Variants in EXOC6B observed in about 807,000 individuals in gnomAD.
EXOC6B encodes the protein exocyst complex component 6B.
A neutral mutation model predicts 113.5 loss-of-function variants in EXOC6B; 54 were observed. The ratio of observed to expected loss-of-function variants is 0.48; its 90% CI spans 0.38 to 0.60. The LOEUF (loss-of-function observed/expected upper bound fraction) is 0.60. Among genes scored for constraint, EXOC6B ranks in the 20% least tolerant of loss-of-function variants. EXOC6B has a pLI of 0.00. For missense variants in EXOC6B, 797 were observed against 977.5 expected (o/e 0.82, Z 2.46); for synonymous variants, 357 against 339.0 (o/e 1.05, Z -0.58).
chr2:72,495,225 A>G (rs1699973001), intron 15 of EXOC6B, among the ~76,000 whole-genome samples: 1 of 152,202 alleles, frequency 6.6e-6, no homozygotes, highest in South Asian at 2.1e-4. Flanking sequence ...AAGATAGATA[A>G]TATAAATTTT....
intron 1 of EXOC6B, among the ~76,000 whole-genome samples, chr2:72,821,497 T>C (rs560684375): frequency 1.3e-5 from 2 of 152,174 alleles, no homozygotes; most frequent in East Asian, 1.9e-4. Flanking sequence ...TGAAAACATA[T>C]GTCTCTACAA....
At chr2:72,578,461 C>T (rs1296412198) in intron 6 of EXOC6B, among the ~76,000 whole-genome samples, 3 of 152,072 alleles carry the variant, frequency 2.0e-5, no homozygotes, top group African/African-American at 4.8e-5. Context: ...CTTAGTTACG[C>T]CATTTCTTTA....
At chr2:72,300,848 G>A (rs921065839) in intron 20 of EXOC6B, among the ~76,000 whole-genome samples, 1 of 152,040 alleles carries the variant, frequency 6.6e-6, no homozygotes, top group Non-Finnish European at 1.5e-5. Flanking sequence ...ATTACCCTCC[G>A]TGGGCTGCAT....
intron 11 of EXOC6B, among the ~76,000 whole-genome samples, chr2:72,511,519 G>A (rs1700893378): frequency 6.6e-6 from 1 of 152,042 alleles, no homozygotes; most frequent in Non-Finnish European, 1.5e-5. Context: ...TCACTTGCCT[G>A]GAATACTAGA....
intron 6 of EXOC6B, among the ~76,000 whole-genome samples, chr2:72,627,930 T>C (rs1013200902): frequency 6.6e-6 from 1 of 152,130 alleles, no homozygotes; most frequent in African/African-American, 2.4e-5. Flanking sequence ...TGTATGAATT[T>C]TTGTGAATAC....
chr2:72,237,759 G>A (rs1682055923), intron 20 of EXOC6B, among the ~76,000 whole-genome samples: 1 of 152,136 alleles, frequency 6.6e-6, no homozygotes, highest in Non-Finnish European at 1.5e-5. Flanking sequence ...TGGCAGCAGA[G>A]GCTATAAACT....
At chr2:72,595,295 C>A (rs1992801) in intron 6 of EXOC6B, among the ~76,000 whole-genome samples, 96,444 of 142,204 alleles carry the variant, frequency 0.68, 35,004 homozygotes, top group East Asian at 0.99. Context: ...ATATATATAT[C>A]TATATATATA....
At chr2:72,498,401 T>G in intron 13 of EXOC6B, 53 bp downstream of exon 13, 2 of 1,262,862 alleles carry the variant, frequency 1.6e-6, no homozygotes, top group Non-Finnish European at 2.3e-6. Context: ...AATACATGTG[T>G]GTACACTAAT....
chr2:72,441,464 T>C (rs2105331336), intron 18 of EXOC6B, among the ~76,000 whole-genome samples: 1 of 150,604 alleles, frequency 6.6e-6, no homozygotes, highest in East Asian at 1.9e-4. Context: ...AAACTTTTTT[T>C]GAAAAAAAAA....
rs567585759 is a variant in EXOC6B, at chr2:72,585,795, A to G, written c.670-10127T>C. Among the ~76,000 whole-genome samples the G allele has an allele frequency of 6.6e-5, 10 of 152,236 alleles. No homozygotes were observed. In the South Asian group the frequency reaches 1.5e-3, roughly 22 times the overall value. ...CCAATATCGAGTTCCAAAATTGTAT[A>G]AGTAATGAAAAAAACCTACCAACCT... On this transcript the variant is annotated intron_variant, in intron 6 of 21. Coordinates refer to ENST00000272427, the MANE Select transcript of EXOC6B (RefSeq NM_015189.3).
intron 6 of EXOC6B, among the ~76,000 whole-genome samples, chr2:72,716,102 A>G (rs1454551231): frequency 6.6e-6 from 1 of 152,214 alleles, no homozygotes. Context: ...AATTAAGTTC[A>G]GACCAACAGA....
chr2:72,380,171 TAAGTA>T (rs1218846890), intron 18 of EXOC6B, among the ~76,000 whole-genome samples: 1 of 152,178 alleles, frequency 6.6e-6, no homozygotes, highest in Admixed American at 6.5e-5. Flanking sequence ...TTCAAAATTT[TAAGTA>T]AAGTGAGAAA....
At chr2:72,277,058 A>G (rs1281440886) in intron 20 of EXOC6B, among the ~76,000 whole-genome samples, 1 of 152,148 alleles carries the variant, frequency 6.6e-6, no homozygotes, top group Non-Finnish European at 1.5e-5. Flanking sequence ...TCTTAACCAC[A>G]GATTATCTCA....
At chr2:72,416,997 A>G (rs1694565484) in intron 18 of EXOC6B, among the ~76,000 whole-genome samples, 1 of 152,150 alleles carries the variant, frequency 6.6e-6, no homozygotes, top group South Asian at 2.1e-4. Flanking sequence ...GTTTTATCAT[A>G]GGAACCACCT....
intron 16 of EXOC6B, among the ~76,000 whole-genome samples, chr2:72,490,136 T>G (rs1044341347): frequency 6.6e-6 from 1 of 152,184 alleles, no homozygotes; most frequent in Non-Finnish European, 1.5e-5. Flanking sequence ...ACTATGGACC[T>G]CCTGTAAAAA....
chr2:72,249,764 T>C (rs1193336168), intron 20 of EXOC6B, among the ~76,000 whole-genome samples: 1 of 152,212 alleles, frequency 6.6e-6, no homozygotes, highest in Non-Finnish European at 1.5e-5. Context: ...GAAAGCTATG[T>C]CAATGGTACA....
At chr2:72,653,518 G>A (rs964387361) in intron 6 of EXOC6B, among the ~76,000 whole-genome samples, 5 of 148,078 alleles carry the variant, frequency 3.4e-5, no homozygotes, top group Non-Finnish European at 5.9e-5. Flanking sequence ...TAACTAACCT[G>A]CACATTGTGC....
intron 1 of EXOC6B, among the ~76,000 whole-genome samples, chr2:72,786,160 T>C (rs964231296): frequency 1.3e-5 from 2 of 152,212 alleles, no homozygotes; most frequent in African/African-American, 2.4e-5. Flanking sequence ...ACAGAAAATA[T>C]TGAAAGAATC....
intron 1 of EXOC6B, among the ~76,000 whole-genome samples, chr2:72,749,228 T>C (rs1355504818): frequency 2.0e-5 from 3 of 152,092 alleles, no homozygotes; most frequent in Non-Finnish European, 4.4e-5. Context: ...AGAAAACTGC[T>C]GAAAGCAGAG....
Sources: gnomAD v4.1 joint callset for allele counts (sites outside exome capture counted in the v4.1 genomes callset) on GRCh38, gnomAD v4.1.1 for gene constraint, MANE v1.5 for transcripts, NCBI Gene and HGNC (gene_info 2026-07-23, HGNC 2026-07-21) for gene names.